ADAM22: variants seen among roughly 807,000 people sequenced by gnomAD.
The protein encoded by ADAM22 is disintegrin and metalloproteinase domain-containing protein 22.
ADAM22 carries 65 observed loss-of-function variants against 144.6 expected under a neutral mutation model. The observed-to-expected ratio is 0.45, with a 90% CI of 0.37 to 0.55. The LOEUF is 0.55. Among genes scored for constraint, ADAM22 ranks in the 20% least tolerant of loss-of-function variants. ADAM22 has a pLI of 0.00. For missense variants in ADAM22, 974 were observed against 1,184.9 expected (o/e 0.82, Z 2.61); for synonymous variants, 391 against 412.6 (o/e 0.95, Z 0.63).
At chr7:88,151,669 A>C (rs1385973888) in intron 20 of ADAM22, among the ~76,000 whole-genome samples, 1 of 152,194 alleles carries the variant, frequency 6.6e-6, no homozygotes, top group East Asian at 1.9e-4. Context: ...CTAAAGCTTC[A>C]CAACCATATG....
intron 13 of ADAM22, among the ~76,000 whole-genome samples, chr7:88,135,047 G>A (rs1832671943): frequency 6.6e-6 from 1 of 151,828 alleles, no homozygotes; most frequent in South Asian, 2.1e-4. Context: ...GCTGAGGCAG[G>A]CGGGTGGATC....
chr7:88,119,124 G>A (rs1284777402), intron 7 of ADAM22, among the ~76,000 whole-genome samples: 57 of 152,112 alleles, frequency 3.7e-4, no homozygotes, highest in African/African-American at 4.8e-5. Flanking sequence ...CCTGTCTCAG[G>A]ACTAGTGTTT....
At position 88,201,626 on chromosome 7, in the gene ADAM22, G is replaced by A. The variant is rs2115630693; in HGVS notation, c.*5135G>A. On this transcript the variant is annotated 3_prime_UTR_variant, in exon 32 of 32. Coordinates refer to ENST00000413139, the MANE Select transcript of ADAM22 (RefSeq NM_001324418.2). ...CACTCCTGCCTGATGCATCCCTGTTGCACTGTTCATAAAACCTGTATCATA... is the reference window on the plus strand; with the variant it reads ...CACTCCTGCCTGATGCATCCCTGTTACACTGTTCATAAAACCTGTATCATA... 6.6e-6 allele frequency: 1 copy of A among 152,262 alleles called. No individual in the cohort carries two copies. The highest frequency in any genetic ancestry group is 1.9e-4 in the East Asian group (1 of 5,178). The allele number at this position is 152,262 out of a possible 1,614,324, so 9.4% of individuals were successfully genotyped here.
At chr7:88,105,208 AT>A (rs1293989017) in intron 4 of ADAM22, among the ~76,000 whole-genome samples, 2 of 151,858 alleles carry the variant, frequency 1.3e-5, no homozygotes, top group African/African-American at 2.4e-5. Flanking sequence ...ATTCTCGAGA[AT>A]TTTTTTTGTT....
intron 2 of ADAM22, among the ~76,000 whole-genome samples, chr7:87,945,809 G>A (rs569862826): frequency 4.3e-4 from 66 of 152,206 alleles, no homozygotes; most frequent in Non-Finnish European, 8.4e-4. Flanking sequence ...CACCACGCCC[G>A]GCTGAAGCCA....
chr7:88,018,669 C>T (rs1357116249), intron 3 of ADAM22, among the ~76,000 whole-genome samples: 1 of 152,168 alleles, frequency 6.6e-6, no homozygotes, highest in Non-Finnish European at 1.5e-5. Context: ...TGCAATTGAA[C>T]TCACTCTTTA....
intron 4 of ADAM22, among the ~76,000 whole-genome samples, chr7:88,090,931 G>C (rs1819676536): frequency 6.6e-6 from 1 of 152,086 alleles, no homozygotes. Flanking sequence ...TGTGTCAGAG[G>C]AATACTCATT....
At chr7:88,168,616 A>C (rs1460250190) in intron 25 of ADAM22, among the ~76,000 whole-genome samples, 1 of 152,138 alleles carries the variant, frequency 6.6e-6, no homozygotes, top group Non-Finnish European at 1.5e-5. Flanking sequence ...TTTTCTTTTC[A>C]TGATTTATAT....
intron 4 of ADAM22, among the ~76,000 whole-genome samples, chr7:88,081,639 A>G (rs1816683581): frequency 6.7e-6 from 1 of 148,600 alleles, no homozygotes; most frequent in African/African-American, 2.5e-5. Context: ...CAACTTCAGC[A>G]AAGTCTCAGG....
At chr7:88,143,267 G>T in intron 15 of ADAM22, 142 bp downstream of exon 15, 1 of 485,258 alleles carries the variant, frequency 2.1e-6, no homozygotes. Flanking sequence ...CTATATATCT[G>T]CATATTCAAA....
At chr7:88,033,904 G>T (rs1800890441) in intron 3 of ADAM22, among the ~76,000 whole-genome samples, 1 of 152,046 alleles carries the variant, frequency 6.6e-6, no homozygotes, top group Admixed American at 6.6e-5. Flanking sequence ...TCAGTTTGTA[G>T]TGAATGCTTC....
At chr7:88,017,614 A>C (rs781046759) in intron 3 of ADAM22, among the ~76,000 whole-genome samples, 1 of 152,102 alleles carries the variant, frequency 6.6e-6, no homozygotes, top group Non-Finnish European at 1.5e-5. Flanking sequence ...AGGCATATGC[A>C]TGTCCAAAAT....
At chr7:88,067,632 A>G (rs1811620819) in intron 3 of ADAM22, among the ~76,000 whole-genome samples, 1 of 152,276 alleles carries the variant, frequency 6.6e-6, no homozygotes, top group South Asian at 2.1e-4. Context: ...AAAAAATCTG[A>G]TTCTGCTGCA....
chr7:88,020,877 A>G (rs1797682041), intron 3 of ADAM22, among the ~76,000 whole-genome samples: 1 of 152,050 alleles, frequency 6.6e-6, no homozygotes, highest in Non-Finnish European at 1.5e-5. Context: ...GGCTTTTAGT[A>G]CCCTAGTTGG....
intron 3 of ADAM22, among the ~76,000 whole-genome samples, chr7:88,004,144 A>T (rs1250890347): frequency 6.6e-6 from 1 of 152,188 alleles, no homozygotes; most frequent in East Asian, 1.9e-4. Flanking sequence ...GCCTGCACTA[A>T]GAGGCTTCTT....
chr7:88,134,579 A>G (rs931474396), intron 13 of ADAM22, among the ~76,000 whole-genome samples, 160 bp downstream of exon 13: 1 of 152,214 alleles, frequency 6.6e-6, no homozygotes, highest in African/African-American at 2.4e-5. Flanking sequence ...CCAAAGTAAT[A>G]CAAAGAAATA....
At chr7:88,055,394 C>CT (rs35254852) in intron 3 of ADAM22, among the ~76,000 whole-genome samples, 1 of 149,762 alleles carries the variant, frequency 6.7e-6, no homozygotes, top group African/African-American at 2.5e-5. Flanking sequence ...TTTTTTCTTT[C>CT]TTTTTGCTGG....
intron 4 of ADAM22, among the ~76,000 whole-genome samples, chr7:88,087,955 A>G (rs1818851126): frequency 6.6e-6 from 1 of 152,198 alleles, no homozygotes; most frequent in African/African-American, 2.4e-5. Context: ...AATTGTATTC[A>G]TAGTTGCAGT....
At chr7:87,941,901 A>G (rs908139787) in intron 2 of ADAM22, among the ~76,000 whole-genome samples, 4 of 152,300 alleles carry the variant, frequency 2.6e-5, no homozygotes, top group African/African-American at 9.6e-5. Flanking sequence ...GCTTTCTCAT[A>G]TTGCAAAGAA....
Sources: allele counts gnomAD v4.1 joint callset (sites outside exome capture counted in the v4.1 genomes callset), GRCh38; gene constraint gnomAD v4.1.1; transcripts MANE v1.5; gene names NCBI Gene and HGNC (gene_info 2026-07-23, HGNC 2026-07-21).